Variants in VWC2L observed in about 807,000 individuals in gnomAD.
VWC2L encodes the protein von Willebrand factor C domain containing 2 like, also known as von Willebrand factor C domain-containing protein 2-like.
A neutral mutation model predicts 21.6 loss-of-function variants in VWC2L; 10 were observed. The observed-to-expected ratio is 0.46, with a 90% CI of 0.29 to 0.78. The LOEUF is 0.78. Among genes scored for constraint, VWC2L ranks in the 30% least tolerant of loss-of-function variants. The pLI, the probability that VWC2L is intolerant of heterozygous loss-of-function variation, is 0.10. For synonymous variants in VWC2L, 96 were observed against 94.3 expected, an observed-to-expected ratio of 1.02 and a Z score of -0.10; for missense variants, 209 against 277.1, an observed-to-expected ratio of 0.75 and a Z score of 1.74.
intron 3 of VWC2L, among the ~76,000 whole-genome samples, chr2:214,556,533 C>A (rs546188028): frequency 1.3e-5 from 2 of 152,242 alleles, no homozygotes; most frequent in Admixed American, 1.3e-4. Flanking sequence ...GCTAGAGTTA[C>A]CCCCACCCGA....
intron 3 of VWC2L, among the ~76,000 whole-genome samples, chr2:214,475,891 T>C (rs986037826): frequency 3.9e-5 from 6 of 152,302 alleles, no homozygotes; most frequent in South Asian, 2.1e-4. Flanking sequence ...CAAGGTCACA[T>C]TGATATTGTC....
At chr2:214,552,982 A>T (rs973406582) in intron 3 of VWC2L, among the ~76,000 whole-genome samples, 1 of 152,210 alleles carries the variant, frequency 6.6e-6, no homozygotes, top group African/African-American at 2.4e-5. Flanking sequence ...TAAGCAAGAA[A>T]CATGGGCACC....
chr2:214,439,157 G>A (rs1325802564), intron 3 of VWC2L, among the ~76,000 whole-genome samples: 1 of 151,894 alleles, frequency 6.6e-6, no homozygotes, highest in African/African-American at 2.4e-5. Flanking sequence ...GACCACCAGT[G>A]GTACCAATAA....
chr2:214,514,047 T>C (rs1689100496), intron 3 of VWC2L, among the ~76,000 whole-genome samples: 1 of 152,126 alleles, frequency 6.6e-6, no homozygotes, highest in Non-Finnish European at 1.5e-5. Context: ...TGAGAACTGA[T>C]TGATGGTTCA....
chr2:214,451,315 G>GC (rs1056042777), intron 3 of VWC2L, among the ~76,000 whole-genome samples: 39 of 148,192 alleles, frequency 2.6e-4, no homozygotes, highest in African/African-American at 9.3e-4. Context: ...GTGTGGGGGG[G>GC]GGGGGCAGTA....
intron 3 of VWC2L, among the ~76,000 whole-genome samples, chr2:214,568,983 C>T (rs1343963186): frequency 6.6e-6 from 1 of 152,124 alleles, no homozygotes; most frequent in Non-Finnish European, 1.5e-5. Context: ...GATCAAACTG[C>T]ACATTTTTTC....
rs544516763 is a variant in VWC2L, at chr2:214,493,439, G to T, written c.520+56681G>T. Among the ~76,000 whole-genome samples the T allele has an allele frequency of 4.6e-5, 7 of 152,216 alleles. No homozygotes were observed. The South Asian group carries it at 1.2e-3, about 27-fold the overall frequency. ...ATTTTATGCATGGCTAGACCCAGAG[G>T]CTCACAAATATTTTAACGATTCTGT... On this transcript the variant is annotated intron_variant, in intron 3 of 3. Coordinates refer to ENST00000312504, the MANE Select transcript of VWC2L (RefSeq NM_001080500.4).
At chr2:214,569,918 T>C (rs1416173816) in intron 3 of VWC2L, among the ~76,000 whole-genome samples, 2 of 152,160 alleles carry the variant, frequency 1.3e-5, no homozygotes, top group Non-Finnish European at 2.9e-5. Flanking sequence ...AGGGTGGCTA[T>C]CAACTTCCTT....
intron 3 of VWC2L, among the ~76,000 whole-genome samples, chr2:214,490,466 T>C (rs972709600): frequency 3.3e-5 from 5 of 151,954 alleles, no homozygotes; most frequent in African/African-American, 9.7e-5. Context: ...CATTGAAGCA[T>C]ATAGATGGGA....
chr2:214,480,824 C>G (rs1574588508), intron 3 of VWC2L, among the ~76,000 whole-genome samples: 1 of 103,936 alleles, frequency 9.6e-6, no homozygotes, highest in Middle Eastern at 0.01. Context: ...GAATAAAAGG[C>G]TGAAAAAGTC....
intron 3 of VWC2L, among the ~76,000 whole-genome samples, chr2:214,456,083 G>T (rs1471438861): frequency 6.6e-6 from 1 of 152,066 alleles, no homozygotes; most frequent in Admixed American, 6.6e-5. Context: ...TCATATATTA[G>T]TACTGCTTTT....
intron 3 of VWC2L, among the ~76,000 whole-genome samples, chr2:214,499,593 G>A (rs1688862929): frequency 6.6e-6 from 1 of 152,064 alleles, no homozygotes; most frequent in Non-Finnish European, 1.5e-5. Flanking sequence ...CAAGGCACAT[G>A]TATACATATG....
At chr2:214,497,862 A>T (rs1156228852) in intron 3 of VWC2L, among the ~76,000 whole-genome samples, 1 of 152,214 alleles carries the variant, frequency 6.6e-6, no homozygotes, top group East Asian at 1.9e-4. Context: ...CAATGATAGT[A>T]AGTTCATAAC....
chr2:214,516,778 T>C (rs1689150852), intron 3 of VWC2L, among the ~76,000 whole-genome samples: 3 of 152,152 alleles, frequency 2.0e-5, no homozygotes, highest in Admixed American at 2.0e-4. Context: ...TTGAGGCATG[T>C]AGACTTACGT....
intron 3 of VWC2L, among the ~76,000 whole-genome samples, chr2:214,453,007 C>T (rs916391236): frequency 6.6e-6 from 1 of 152,138 alleles, no homozygotes; most frequent in Non-Finnish European, 1.5e-5. Flanking sequence ...GCAACTATTT[C>T]CCATCAGTCT....
intron 3 of VWC2L, among the ~76,000 whole-genome samples, chr2:214,517,366 GC>G (rs1689160205): frequency 6.6e-6 from 1 of 152,316 alleles, no homozygotes; most frequent in East Asian, 1.9e-4. Context: ...TGGAGTTGCT[GC>G]AGGTAAGATG....
intron 3 of VWC2L, among the ~76,000 whole-genome samples, chr2:214,471,013 A>G (rs1313940642): frequency 4.0e-5 from 6 of 151,856 alleles, no homozygotes; most frequent in Non-Finnish European, 8.8e-5. Context: ...CTTTGATCAA[A>G]TGTATATCCT....
At chr2:214,499,495 C>G (rs1688860659) in intron 3 of VWC2L, among the ~76,000 whole-genome samples, 1 of 130,788 alleles carries the variant, frequency 7.6e-6, no homozygotes. Flanking sequence ...CACACTGGAG[C>G]CTGTCGTGGG....
intron 3 of VWC2L, among the ~76,000 whole-genome samples, chr2:214,505,924 G>A (rs34752182): frequency 0.34 from 52,356 of 151,900 alleles, 10,460 homozygotes; most frequent in South Asian, 0.47. Flanking sequence ...CTTAGTAATG[G>A]TGGGGAAGGT....
Sources: gnomAD v4.1 joint callset for allele counts (sites outside exome capture counted in the v4.1 genomes callset) on GRCh38, gnomAD v4.1.1 for gene constraint, MANE v1.5 for transcripts, NCBI Gene and HGNC (gene_info 2026-07-23, HGNC 2026-07-21) for gene names.